The following GLYATL2 variants were observed in gnomAD, a reference collection of about 807,000 sequenced individuals.
GLYATL2 encodes glycine-N-acyltransferase like 2.
A neutral mutation model predicts 21.4 loss-of-function variants in GLYATL2; 25 were observed. That is an observed-to-expected ratio of 1.17 (90% confidence interval 0.85 to 1.63). GLYATL2 has a LOEUF of 1.63. GLYATL2 is among the 40% of genes most tolerant of loss of function. The probability of loss-of-function intolerance (pLI) is 0.00; values close to 1 mark genes in which losing one functional copy is unlikely to be tolerated. For synonymous variants in GLYATL2, 114 were observed against 118.2 expected, an observed-to-expected ratio of 0.96 and a Z score of 0.23; for missense variants, 361 against 343.3, an observed-to-expected ratio of 1.05 and a Z score of -0.41.
At chr11:58,891,221 A>G (rs1277662690) in intron 1 of GLYATL2, among the ~76,000 whole-genome samples, 2 of 152,146 alleles carry the variant, frequency 1.3e-5, no homozygotes, top group South Asian at 2.1e-4. Flanking sequence ...CCAACATAAT[A>G]TTAATACATT....
At chr11:58,885,549 C>T in intron 1 of GLYATL2, 1 of 440,622 alleles carries the variant, frequency 2.3e-6, no homozygotes, top group Admixed American at 2.4e-5. Context: ...CAGGTAGGCA[C>T]ACAAACAGGG....
intron 1 of GLYATL2, among the ~76,000 whole-genome samples, chr11:58,894,504 T>G (rs1205080957): frequency 1.3e-5 from 2 of 150,536 alleles, no homozygotes; most frequent in East Asian, 1.9e-4. Flanking sequence ...GCATTTTCAT[T>G]CTTTCTGATA....
intron 1 of GLYATL2, among the ~76,000 whole-genome samples, chr11:58,880,607 G>A (rs1565103651): frequency 1.3e-5 from 2 of 152,178 alleles, no homozygotes; most frequent in Middle Eastern, 6.8e-3. Context: ...AATCAGGTGA[G>A]AAACAGCAAA....
chr11:58,864,196 T>C (rs553721484), intron 1 of GLYATL2, among the ~76,000 whole-genome samples: 1 of 152,156 alleles, frequency 6.6e-6, no homozygotes, highest in Non-Finnish European at 1.5e-5. Context: ...CTATGGACAC[T>C]GGCCTGGTGA....
rs374949951 is a variant in GLYATL2, at chr11:58,839,750, TA to T, written c.-40-99del. 2.8e-5 allele frequency: 15 copies of T among 528,288 alleles called. 1 individual carries two copies. Among genetic ancestry groups the T allele is most frequent in the African/African-American group, 2.3e-4 (12 of 52,760 alleles). 32.7% of individuals were successfully genotyped at this position (528,288 alleles called of 1,614,324 possible). A position where few individuals can be genotyped will look rare whatever the true frequency, so the allele number is the denominator to read the frequency against. ...AGTCACCAGGGACATCATACACTAT[TA>T]GCAGTGATGGGCTTTAGAAATTATC... On this transcript the variant is annotated intron_variant, in intron 1 of 5. Transcript: ENST00000287275.
intron 1 of GLYATL2, among the ~76,000 whole-genome samples, chr11:58,872,164 A>T (rs1219047607): frequency 6.6e-6 from 1 of 152,040 alleles, no homozygotes; most frequent in African/African-American, 2.4e-5. Context: ...GTTTGAGTTC[A>T]TTGTAGATTC....
intron 1 of GLYATL2, among the ~76,000 whole-genome samples, chr11:58,891,649 G>C (rs1030478504): frequency 4.6e-5 from 7 of 152,194 alleles, no homozygotes; most frequent in Non-Finnish European, 8.8e-5. Context: ...TGGTGAAACA[G>C]TAGGCACTAA....
chr11:58,856,674 C>T (rs773450693), intron 1 of GLYATL2, among the ~76,000 whole-genome samples: 2 of 152,086 alleles, frequency 1.3e-5, no homozygotes, highest in Admixed American at 1.3e-4. Context: ...AGTCTGGGAA[C>T]GGTCATTAGG....
intron 3 of GLYATL2, 93 bp downstream of exon 3, chr11:58,838,168 C>A (rs1853473679): frequency 1.3e-6 from 1 of 793,592 alleles, no homozygotes; most frequent in Non-Finnish European, 2.1e-6. Flanking sequence ...TGTCAATGTT[C>A]TTCTCACCAC....
chr11:58,858,845 T>G (rs992427104), intron 1 of GLYATL2, among the ~76,000 whole-genome samples: 4 of 152,162 alleles, frequency 2.6e-5, no homozygotes, highest in African/African-American at 9.7e-5. Context: ...TCACCCAAGG[T>G]CCTCTTCCAA....
chr11:58,841,254 T>C (rs1853546556), intron 1 of GLYATL2, among the ~76,000 whole-genome samples: 1 of 152,180 alleles, frequency 6.6e-6, no homozygotes, highest in South Asian at 2.1e-4. Flanking sequence ...CCATAATCAA[T>C]ACAAAAGGAA....
chr11:58,886,472 T>C (rs973450823), intron 1 of GLYATL2, among the ~76,000 whole-genome samples: 1 of 152,192 alleles, frequency 6.6e-6, no homozygotes, highest in Non-Finnish European at 1.5e-5. Context: ...CCAGTTTTAT[T>C]AGCTATATAA....
intron 1 of GLYATL2, among the ~76,000 whole-genome samples, chr11:58,842,068 G>A (rs2134577001): frequency 6.6e-6 from 1 of 152,308 alleles, no homozygotes; most frequent in Admixed American, 6.5e-5. Flanking sequence ...GAGGTAAGAT[G>A]TAAGTCATTA....
Position 58,834,441 on chromosome 11 carries a change from C to T in GLYATL2, c.873G>A (p.Lys291=). The T allele has an allele frequency of 6.3e-7, 1 of 1,588,190 alleles. No homozygotes were observed. Among genetic ancestry groups the T allele is most frequent in the Admixed American group, 1.8e-5 (1 of 55,176 alleles). ...ACAGTGGAATCAATCAACAATATTT[C>T]TTGGGGGTGCATTTCCACTGATGCC... The part of the protein sequence containing the change: ...CGWHQWKCTP[K]KYC The change falls in exon 6 of 6, where the codon AAG becomes AAA. Residue 291 remains lysine, a synonymous_variant. Transcript: ENST00000287275.
chr11:58,885,492 TG>T, intron 1 of GLYATL2: 1 of 509,496 alleles, frequency 2.0e-6, no homozygotes, highest in Non-Finnish European at 3.9e-6. Flanking sequence ...GAGGTGCTGG[TG>T]GACTCCTGGC....
intron 1 of GLYATL2, among the ~76,000 whole-genome samples, chr11:58,869,135 G>T (rs1022096939): frequency 6.6e-6 from 1 of 152,216 alleles, no homozygotes; most frequent in African/African-American, 2.4e-5. Flanking sequence ...CATTGAGTTT[G>T]TACACTTTTG....
At chr11:58,844,203 C>T (rs1853602816) in intron 1 of GLYATL2, among the ~76,000 whole-genome samples, 2 of 152,052 alleles carry the variant, frequency 1.3e-5, no homozygotes, top group African/African-American at 4.8e-5. Flanking sequence ...AGCATTTGGA[C>T]ATTTTACAAA....
chr11:58,875,637 T>C (rs955266502), intron 1 of GLYATL2, among the ~76,000 whole-genome samples: 1 of 152,220 alleles, frequency 6.6e-6, no homozygotes, highest in African/African-American at 2.4e-5. Context: ...TTCTGGCTTG[T>C]AGAGTTTCTG....
At chr11:58,859,922 A>T (rs1458519367) in intron 1 of GLYATL2, among the ~76,000 whole-genome samples, 1 of 152,152 alleles carries the variant, frequency 6.6e-6, no homozygotes. Context: ...AAAATCAATC[A>T]CCTTAAATGC....
Sources: allele counts gnomAD v4.1 joint callset (sites outside exome capture counted in the v4.1 genomes callset), GRCh38; gene constraint gnomAD v4.1.1; transcripts MANE v1.5; gene names NCBI Gene and HGNC (gene_info 2026-07-23, HGNC 2026-07-21).